Variants in CNIH3 observed in about 807,000 individuals in gnomAD.
The protein encoded by CNIH3 is protein cornichon homolog 3.
Under a neutral mutation model 24.1 loss-of-function variants are expected in CNIH3, and 14 were observed. That is an observed-to-expected ratio of 0.58 (90% CI 0.38 to 0.91). The LOEUF is 0.91. Ranked by LOEUF, CNIH3 falls within the 40% of genes least tolerant of loss-of-function variation. The probability of loss-of-function intolerance (pLI) is 0.00; values close to 1 mark genes in which losing one functional copy is unlikely to be tolerated. For synonymous variants in CNIH3, 68 were observed against 73.8 expected, an observed-to-expected ratio of 0.92 and a Z score of 0.40; for missense variants, 178 against 196.8, an observed-to-expected ratio of 0.90 and a Z score of 0.57.
At chr1:224,551,570 T>C (rs1486763905) in intron 3 of CNIH3, among the ~76,000 whole-genome samples, 4 of 152,130 alleles carry the variant, frequency 2.6e-5, no homozygotes. Context: ...ACCTGGATTA[T>C]AGAGAAATAT....
At chr1:224,670,279 A>T (rs991315041) in intron 1 of CNIH3, among the ~76,000 whole-genome samples, 11 of 152,148 alleles carry the variant, frequency 7.2e-5, no homozygotes, top group African/African-American at 2.4e-4. Context: ...GACTTAGAAG[A>T]TGGTGGCATG....
downstream of CNIH3, chr1:224,537,348 C>A (rs989704925): frequency 1.2e-4 from 18 of 152,238 alleles, no homozygotes; most frequent in Non-Finnish European, 2.9e-5. Flanking sequence ...TGCAAAACTG[C>A]AGATGCACTG....
chr1:224,700,407 G>A (rs1194099012), intron 3 of CNIH3, among the ~76,000 whole-genome samples: 1 of 152,290 alleles, frequency 6.6e-6, no homozygotes, highest in East Asian at 1.9e-4. Context: ...TCTGCAACAG[G>A]ATCTCTGCAC....
At chr1:224,467,826 A>C (rs79847069) in intron 1 of CNIH3, among the ~76,000 whole-genome samples, 28 of 151,006 alleles carry the variant, frequency 1.9e-4, no homozygotes, top group African/African-American at 5.8e-4. Context: ...ATAGTTTTAC[A>C]TGGTATGTTT....
intron 4 of CNIH3, among the ~76,000 whole-genome samples, chr1:224,732,273 A>G (rs1689375542): frequency 6.6e-6 from 1 of 152,152 alleles, no homozygotes; most frequent in East Asian, 1.9e-4. Flanking sequence ...AGGGAGAGAA[A>G]GCCTCTAGGC....
intron 1 of CNIH3, among the ~76,000 whole-genome samples, chr1:224,484,042 G>A (rs111457299): frequency 0.024 from 3,698 of 151,872 alleles, 71 homozygotes; most frequent in Non-Finnish European, 0.038. Flanking sequence ...GTGGTGGCGC[G>A]TGCCTGTAAT....
At chr1:224,462,366 C>T (rs1014912502) in intron 1 of CNIH3, among the ~76,000 whole-genome samples, 6 of 152,114 alleles carry the variant, frequency 3.9e-5, no homozygotes, top group African/African-American at 1.4e-4. Context: ...AACAGTCTTG[C>T]CCTGTCACCC....
At chr1:224,485,964 T>C (rs1677012337) in intron 1 of CNIH3, among the ~76,000 whole-genome samples, 1 of 152,132 alleles carries the variant, frequency 6.6e-6, no homozygotes, top group Non-Finnish European at 1.5e-5. Context: ...TGCACAACTT[T>C]TTTTATCTTG....
intron 1 of CNIH3, chr1:224,454,374 G>A: frequency 1.1e-6 from 1 of 918,744 alleles, no homozygotes; most frequent in African/African-American, 1.8e-5. Flanking sequence ...ACTATATTGT[G>A]TTGAACATAA....
At chr1:224,685,817 G>C (rs1432989216) in intron 3 of CNIH3, among the ~76,000 whole-genome samples, 1 of 152,126 alleles carries the variant, frequency 6.6e-6, no homozygotes, top group Non-Finnish European at 1.5e-5. Flanking sequence ...TTCTAAGAGA[G>C]CCAGTGTGTT....
At chr1:224,574,594 A>G in intron 4 of CNIH3, 1 of 802,144 alleles carries the variant, frequency 1.2e-6, no homozygotes, top group Non-Finnish European at 2.3e-6. Context: ...AATGAGAATG[A>G]CGTGGGGGTG....
intron 5 of CNIH3, among the ~76,000 whole-genome samples, chr1:224,738,129 G>A (rs1256110471): frequency 6.6e-6 from 1 of 152,212 alleles, no homozygotes; most frequent in African/African-American, 2.4e-5. Flanking sequence ...GTCCTGGCCC[G>A]TGCCTGGCAC....
intron 3 of CNIH3, among the ~76,000 whole-genome samples, chr1:224,686,933 G>A (rs1305704877): frequency 1.3e-5 from 2 of 152,212 alleles, no homozygotes; most frequent in Non-Finnish European, 2.9e-5. Context: ...AAGGAACACT[G>A]TACTCTACCT....
At chr1:224,705,859 CTTTTTTTT>C (rs869143802) in intron 3 of CNIH3, among the ~76,000 whole-genome samples, 4 of 88,864 alleles carry the variant, frequency 4.5e-5, no homozygotes, top group African/African-American at 1.3e-4. Flanking sequence ...TCTTTTTTTT[CTTTTTTTT>C]TTTTTTTGAG....
chr1:224,684,309 T>C lies in CNIH3; in HGVS notation c.151-487T>C, dbSNP rs1293852892. On this transcript the variant is annotated intron_variant, in intron 2 of 5. Coordinates refer to ENST00000272133, the MANE Select transcript of CNIH3 (RefSeq NM_152495.2). The surrounding 1 kb of genome is among the most constrained non-coding windows in gnomAD (Gnocchi z 4.2). ...TAGTAGGGAGATTACTTCCTCCAAG[T>C]AGACTCACTTTAGAAAAATAAAACC... Among the ~76,000 whole-genome samples, 11 of 152,182 alleles carry C rather than the reference T, an allele frequency of 7.2e-5. No individual in the cohort carries two copies. The highest frequency in any genetic ancestry group is 7.2e-4 in the Admixed American group (11 of 15,284).
upstream of CNIH3, among the ~76,000 whole-genome samples, chr1:224,514,228 A>G (rs115775851): frequency 9.8e-5 from 15 of 152,310 alleles, no homozygotes; most frequent in African/African-American, 3.1e-4. Flanking sequence ...CTGAACTGGA[A>G]CATACTTGTC....
chr1:224,619,623 T>A (rs1379658713), intron 1 of CNIH3, among the ~76,000 whole-genome samples: 1 of 152,164 alleles, frequency 6.6e-6, no homozygotes, highest in Non-Finnish European at 1.5e-5. Flanking sequence ...GCACGGTTTG[T>A]ATGTCTGGGT....
chr1:224,478,974 C>T (rs1168313035), intron 1 of CNIH3, among the ~76,000 whole-genome samples: 3 of 151,922 alleles, frequency 2.0e-5, no homozygotes, highest in East Asian at 1.9e-4. Context: ...AAGACCTGCC[C>T]GCATGATTCA....
intron 2 of CNIH3, among the ~76,000 whole-genome samples, chr1:224,527,124 G>A (rs1398687541): frequency 2.6e-5 from 4 of 152,152 alleles, no homozygotes; most frequent in Admixed American, 6.5e-5. Flanking sequence ...AAAACTTGAT[G>A]AGCGTGAGTG....
Sources: allele counts gnomAD v4.1 joint callset (sites outside exome capture counted in the v4.1 genomes callset), GRCh38; gene constraint gnomAD v4.1.1; non-coding constraint Gnocchi (gnomAD v3.1); transcripts MANE v1.5; gene names NCBI Gene and HGNC (gene_info 2026-07-23, HGNC 2026-07-21).